Variants in ZGRF1 observed in about 807,000 individuals in gnomAD.
The protein encoded by ZGRF1 is zinc finger GRF-type containing 1, also known as 5'-3' DNA helicase ZGRF1.
Under a neutral mutation model 203.5 loss-of-function variants are expected in ZGRF1, and 196 were observed. The ratio of observed to expected loss-of-function variants is 0.96; its 90% CI spans 0.86 to 1.08. ZGRF1 has a LOEUF of 1.08. Ranked by LOEUF, ZGRF1 falls within the 50% of genes least tolerant of loss-of-function variation. The pLI, the probability that ZGRF1 is intolerant of heterozygous loss-of-function variation, is 0.00. For synonymous variants in ZGRF1, 809 were observed against 841.3 expected, an observed-to-expected ratio of 0.96 and a Z score of 0.66; for missense variants, 2,326 against 2,416.3, an observed-to-expected ratio of 0.96 and a Z score of 0.78.
At chr4:112,575,564 G>C (rs918117398) in intron 16 of ZGRF1, among the ~76,000 whole-genome samples, 1 of 152,166 alleles carries the variant, frequency 6.6e-6, no homozygotes, top group Non-Finnish European at 1.5e-5. Flanking sequence ...TGGAAAATTT[G>C]GGTCACTCCC....
At chr4:112,552,842 C>T (rs1740215399) in intron 22 of ZGRF1, among the ~76,000 whole-genome samples, 1 of 152,134 alleles carries the variant, frequency 6.6e-6, no homozygotes. Flanking sequence ...GCCGTGTGAC[C>T]TGTGCAAATG....
intron 3 of ZGRF1, among the ~76,000 whole-genome samples, chr4:112,627,667 G>A (rs1012086149): frequency 4.6e-5 from 7 of 152,182 alleles, no homozygotes; most frequent in African/African-American, 1.7e-4. Context: ...TTGTGCCCAG[G>A]AGGCAGAGGC....
intron 16 of ZGRF1, among the ~76,000 whole-genome samples, chr4:112,574,983 G>A (rs1254756721): frequency 1.3e-5 from 2 of 151,080 alleles, no homozygotes; most frequent in Non-Finnish European, 2.9e-5. Flanking sequence ...CCTAGATCAC[G>A]CTACTGCACT....
chr4:112,558,363 TTTTTC>T (rs1353608174), intron 19 of ZGRF1, 54 bp from the exon 20 acceptor site: 12 of 1,362,586 alleles, frequency 8.8e-6, no homozygotes, highest in Middle Eastern at 5.0e-4. Context: ...ATAAATTTCT[TTTTTC>T]TTTTCTTTTT....
At chr4:112,582,782 T>C (rs552561774) in intron 15 of ZGRF1, among the ~76,000 whole-genome samples, 78 of 152,290 alleles carry the variant, frequency 5.1e-4, no homozygotes, top group Middle Eastern at 3.4e-3. Context: ...CTTAACATAA[T>C]GACCTCCAGT....
intron 1 of ZGRF1, among the ~76,000 whole-genome samples, chr4:112,635,840 A>C (rs2047599566): frequency 6.6e-6 from 1 of 151,960 alleles, no homozygotes; most frequent in Non-Finnish European, 1.5e-5. Context: ...ATGCTATTTC[A>C]CAATTGCAAG....
chr4:112,567,386 T>C (rs572783455), intron 16 of ZGRF1, among the ~76,000 whole-genome samples: 2 of 151,616 alleles, frequency 1.3e-5, no homozygotes, highest in South Asian at 4.2e-4. Flanking sequence ...TATAGAATCA[T>C]ATAGAAAAGG....
rs897076818 is a variant in ZGRF1, at chr4:112,585,556, C to G, written c.4086G>C (p.Lys1362Asn). Reference sequence around the variant, plus strand: ...GCAAGAATACCTTATTTGGACCTTCCTTTTTAACCATGACAAGTTTTGCAG... The same window carrying G: ...GCAAGAATACCTTATTTGGACCTTCGTTTTTAACCATGACAAGTTTTGCAG... The part of the protein sequence containing the change: ...SQPAKLVMVK[K>N]EGPNKGRLFY... The change falls in exon 14 of 28, where the codon AAG (lysine) becomes AAC (asparagine). Residue 1362 changes from lysine (K) to asparagine (N), a missense_variant. Coordinates refer to ENST00000505019, the MANE Select transcript of ZGRF1 (RefSeq NM_018392.5). The G allele has an allele frequency of 6.2e-7, 1 of 1,608,898 alleles. No homozygotes were observed. The highest frequency in any genetic ancestry group is 8.5e-7 in the Non-Finnish European group (1 of 1,178,116).
chr4:112,572,214 A>G (rs568605487), intron 16 of ZGRF1, among the ~76,000 whole-genome samples: 2 of 152,362 alleles, frequency 1.3e-5, no homozygotes, highest in East Asian at 1.9e-4. Context: ...ACACAAACCA[A>G]TAGAACAGAA....
intron 16 of ZGRF1, among the ~76,000 whole-genome samples, chr4:112,571,662 G>A (rs1250712113): frequency 2.6e-5 from 4 of 152,070 alleles, no homozygotes; most frequent in Admixed American, 2.6e-4. Flanking sequence ...CGGGATTACA[G>A]GCGTGAGCCA....
intron 1 of ZGRF1, among the ~76,000 whole-genome samples, chr4:112,636,043 TTCTTA>T (rs1272042836): frequency 1.3e-5 from 2 of 152,178 alleles, no homozygotes; most frequent in South Asian, 2.1e-4. Flanking sequence ...TCAACACCCT[TTCTTA>T]TCTTAGTATT....
intron 22 of ZGRF1, among the ~76,000 whole-genome samples, chr4:112,551,112 T>C (rs1739869039): frequency 6.6e-6 from 1 of 152,200 alleles, no homozygotes; most frequent in African/African-American, 2.4e-5. Flanking sequence ...CCATTTTAAA[T>C]ATTTTATACC....
At chr4:112,551,230 T>C (rs1416474580) in intron 22 of ZGRF1, among the ~76,000 whole-genome samples, 6 of 152,214 alleles carry the variant, frequency 3.9e-5, no homozygotes, top group Non-Finnish European at 7.3e-5. Flanking sequence ...TGAGGAGCAA[T>C]AGGCTATACT....
chr4:112,617,140 G>A (rs182849715), intron 6 of ZGRF1, among the ~76,000 whole-genome samples: 3 of 152,122 alleles, frequency 2.0e-5, no homozygotes, highest in East Asian at 3.9e-4. Context: ...ATATATGTAC[G>A]TTTTTTGACA....
chr4:112,581,041 G>C (rs1404974936), intron 16 of ZGRF1, among the ~76,000 whole-genome samples: 1 of 152,002 alleles, frequency 6.6e-6, no homozygotes, highest in Non-Finnish European at 1.5e-5. Flanking sequence ...ATGTCCATCA[G>C]TGATAGACTG....
At chr4:112,579,355 C>G (rs1745801716) in intron 16 of ZGRF1, among the ~76,000 whole-genome samples, 1 of 123,076 alleles carries the variant, frequency 8.1e-6, no homozygotes, top group Non-Finnish European at 1.8e-5. Context: ...CCTTTGAAAA[C>G]TGGCACAAGA....
chr4:112,562,547 T>C, intron 17 of ZGRF1, 62 bp from the exon 18 acceptor site: 1 of 980,994 alleles, frequency 1.0e-6, no homozygotes, highest in Non-Finnish European at 1.6e-6. Context: ...AAAAACTCTG[T>C]GTTAAATGCC....
rs1245982818 is a variant in ZGRF1, at chr4:112,619,029, A to G, written c.1013T>C (p.Ile338Thr). Residue 338 changes from isoleucine (I) to threonine (T), a missense_variant, in exon 6 of 28, where the codon ATA becomes ACA. By Grantham distance (89) the Ile-to-Thr change is moderately conservative. Transcript: ENST00000505019. Reference sequence around the variant, plus strand: ...ATTCCCATCTACAGTAGAAGAATGTATAGGTGAACTCTGTGAGGATAAATA... The same window carrying G: ...ATTCCCATCTACAGTAGAAGAATGTGTAGGTGAACTCTGTGAGGATAAATA... Reference protein sequence around the residue: ...AMYLSSQSSPIHSSTVDGNDT... With the variant: ...AMYLSSQSSPTHSSTVDGNDT... 1 of 1,614,034 alleles carries G rather than the reference A, an allele frequency of 6.2e-7. No homozygotes were observed. The highest frequency in any genetic ancestry group is 8.5e-7 in the Non-Finnish European group (1 of 1,179,938).
chr4:112,540,965 G>C lies in ZGRF1; in HGVS notation c.5776-10C>G. 3 of 1,561,946 alleles carry C rather than the reference G, an allele frequency of 1.9e-6. No homozygotes were observed. The highest frequency in any genetic ancestry group is 1.7e-6 in the Non-Finnish European group (2 of 1,151,400). On this transcript the variant is annotated splice_polypyrimidine_tract_variant and intron_variant, in intron 25 of 27. Coordinates refer to ENST00000505019, the MANE Select transcript of ZGRF1 (RefSeq NM_018392.5). ...TGTTATCTCTTTCTATCTGGAGTAA[G>C]AAATAGATCCTAAATTATATTTCCC... is the stretch of plus-strand genomic sequence containing the variant.
Sources: allele counts gnomAD v4.1 joint callset (sites outside exome capture counted in the v4.1 genomes callset), GRCh38; gene constraint gnomAD v4.1.1; transcripts MANE v1.5; gene names NCBI Gene and HGNC (gene_info 2026-07-23, HGNC 2026-07-21).